Variants in KLF3 observed in about 807,000 individuals in gnomAD.
The protein encoded by KLF3 is Krueppel-like factor 3.
KLF3 carries 6 observed loss-of-function variants against 32.7 expected under a neutral mutation model. That is an observed-to-expected ratio of 0.18 (90% CI 0.10 to 0.36). The LOEUF (loss-of-function observed/expected upper bound fraction) is 0.36, where lower values mean the gene tolerates loss of function less well. Among genes scored for constraint, KLF3 ranks in the 10% least tolerant of loss-of-function variants. The probability of loss-of-function intolerance (pLI) is 1.00; values close to 1 mark genes in which losing one functional copy is unlikely to be tolerated. For synonymous variants in KLF3, 145 were observed against 172.8 expected (o/e 0.84, Z 1.26); for missense variants, 338 against 449.7 (o/e 0.75, Z 2.25).
At chr4:38,693,611 CACTT>C (rs1722950899) in intron 4 of KLF3, among the ~76,000 whole-genome samples, 1 of 151,944 alleles carries the variant, frequency 6.6e-6, no homozygotes, top group Admixed American at 6.6e-5. Context: ...TCTCCTCAAA[CACTT>C]AGGCAAAATA....
Position 38,697,066 on chromosome 4 carries a change from CT to C in KLF3, c.857-11del, listed in dbSNP as rs1326154844. 1.3e-6 allele frequency: 2 copies of C among 1,555,474 alleles called. No homozygotes were observed. The highest frequency in any genetic ancestry group is 4.5e-5 in the East Asian group (2 of 44,040). On this transcript the variant is annotated splice_polypyrimidine_tract_variant and intron_variant, in intron 5 of 5. Coordinates refer to ENST00000261438, the MANE Select transcript of KLF3 (RefSeq NM_016531.6). The stretch of plus-strand genomic sequence containing the variant: ...TACAGAAAAAAAAAATAGCTCTTTT[CT>C]TTTTCCTTTTGCAGGAGAAAAACCC...
rs962480108 is a variant in KLF3, at chr4:38,697,624, A to G, written c.*361A>G. On this transcript the variant is annotated 3_prime_UTR_variant, in exon 6 of 6. Transcript: ENST00000261438. ...CTCAAAAGAATGTCAGAGTAAATGT[A>G]TTAGAAATACAGTATCCAGACTGCT... The G allele has an allele frequency of 3.8e-5, 7 of 183,396 alleles. No homozygotes were observed. Among genetic ancestry groups the G allele is most frequent in the Admixed American group, 1.7e-4 (3 of 17,428 alleles). 11.4% of individuals were successfully genotyped at this position (183,396 alleles called of 1,614,324 possible).
At chr4:38,696,197 A>C (rs1485770988) in intron 5 of KLF3, among the ~76,000 whole-genome samples, 1 of 151,256 alleles carries the variant, frequency 6.6e-6, no homozygotes, top group East Asian at 1.9e-4. Context: ...AAAAAAAAAA[A>C]AAAAAAAAAA....
Position 38,697,517 on chromosome 4 carries a change from C to CCAGATG in KLF3, c.*255_*256insAGATGC. On this transcript the variant is annotated 3_prime_UTR_variant, in exon 6 of 6. Transcript: ENST00000261438. ...TTTTTTCTGGGGATGCTAAGCAAACCCTTCTTACAGATACGTTTAATGTAA... is the reference window on the plus strand; with the variant it reads ...TTTTTTCTGGGGATGCTAAGCAAACCCAGATGCTTCTTACAGATACGTTTAATGTAA... 2.6e-6 allele frequency: 1 copy of CCAGATG among 382,772 alleles called. No homozygotes were observed. Among genetic ancestry groups the CCAGATG allele is most frequent in the Non-Finnish European group, 4.7e-6 (1 of 213,714 alleles). The allele number at this position is 382,772 out of a possible 1,614,324, so 23.7% of individuals were successfully genotyped here.
rs751238714 is a variant in KLF3, at chr4:38,680,605, C to G, written c.-21C>G. ...TTTCTAGGCCAAACACCAGAGCACC[C>G]TAGAAGGTTTAACTAAAAGAATGCT... On this transcript the variant is annotated 5_prime_UTR_variant, in exon 2 of 6. Coordinates refer to ENST00000261438, the MANE Select transcript of KLF3 (RefSeq NM_016531.6). The G allele has an allele frequency of 1.2e-6, 2 of 1,603,270 alleles. No homozygotes were observed. Among genetic ancestry groups the G allele is most frequent in the East Asian group, 4.5e-5 (2 of 44,830 alleles).
chr4:38,694,620 TTTTG>T (rs1722995492), intron 4 of KLF3, 122 bp from the exon 5 acceptor site: 3 of 830,766 alleles, frequency 3.6e-6, no homozygotes, highest in African/African-American at 3.5e-5. Flanking sequence ...GCTAATTTCT[TTTTG>T]TTTATTTTGT....
At position 38,698,944 on chromosome 4, in the gene KLF3, A is replaced by G. The variant is rs1432099529; in HGVS notation, c.*1681A>G. 6.6e-6 allele frequency: 1 copy of G among 152,196 alleles called. No homozygotes were observed. The highest frequency in any genetic ancestry group is 6.5e-5 in the Admixed American group (1 of 15,280). 9.4% of individuals were successfully genotyped at this position (152,196 alleles called of 1,614,324 possible). On this transcript the variant is annotated 3_prime_UTR_variant, in exon 6 of 6. Coordinates refer to ENST00000261438, the MANE Select transcript of KLF3 (RefSeq NM_016531.6). ...ATCCAACACAACTTTAACTGGGAGGAATACATTGTTTGATCATTTTTAAAA... is the reference window on the plus strand; with the variant it reads ...ATCCAACACAACTTTAACTGGGAGGGATACATTGTTTGATCATTTTTAAAA...
intron 1 of KLF3, 25 bp from the exon 2 acceptor site, chr4:38,680,558 TTAGA>T: frequency 8.5e-7 from 1 of 1,174,846 alleles, no homozygotes; most frequent in Non-Finnish European, 1.3e-6. Flanking sequence ...ACCTTGAGAC[TTAGA>T]TGGATACCTT....
intron 1 of KLF3, among the ~76,000 whole-genome samples, chr4:38,673,343 G>A (rs1473934135): frequency 6.6e-6 from 1 of 152,192 alleles, no homozygotes; most frequent in Non-Finnish European, 1.5e-5. Flanking sequence ...TCCAGTGATA[G>A]GGAGGGCACT....
intron 1 of KLF3, among the ~76,000 whole-genome samples, chr4:38,667,885 A>T (rs1662258321): frequency 6.6e-6 from 1 of 152,318 alleles, no homozygotes; most frequent in Non-Finnish European, 1.5e-5. Context: ...ATCTTTAGAA[A>T]AATCATTGAA....
rs575300907 is a variant in KLF3, at chr4:38,686,454, AAAAAAAAAAG to A, written c.58-2126_58-2117del. ...GTGAGACCCTATCTCAAAAAAAAAA[AAAAAAAAAAG>A]AAAAGAAAATTCTTTTTCCCTCCTT... On this transcript the variant is annotated intron_variant, in intron 2 of 5. Coordinates refer to ENST00000261438, the MANE Select transcript of KLF3 (RefSeq NM_016531.6). Among the ~76,000 whole-genome samples the A allele has an allele frequency of 8.3e-3, 1,254 of 151,646 alleles. 7 individuals are homozygous for A. Among genetic ancestry groups the A allele is most frequent in the South Asian group, 0.025 (121 of 4,794 alleles).
chr4:38,678,607 T>C (rs1284382286), intron 1 of KLF3, among the ~76,000 whole-genome samples: 1 of 152,210 alleles, frequency 6.6e-6, no homozygotes, highest in Non-Finnish European at 1.5e-5. Flanking sequence ...CTTCAATGAA[T>C]CAACGAAGCA....
At chr4:38,673,033 C>T (rs933233185) in intron 1 of KLF3, among the ~76,000 whole-genome samples, 7 of 152,136 alleles carry the variant, frequency 4.6e-5, no homozygotes, top group Admixed American at 1.3e-4. Context: ...GTTCAAAATG[C>T]TTTTCTCTTT....
rs77979101 is a variant in KLF3, at chr4:38,697,568, A to T, written c.*305A>T. On this transcript the variant is annotated 3_prime_UTR_variant, in exon 6 of 6. Coordinates refer to ENST00000261438, the MANE Select transcript of KLF3 (RefSeq NM_016531.6). ...TAAGAACAAGGGAACATGTAAACTA[A>T]CATAACCAATTGTCAGTTCTCCATG... 1 of 268,896 alleles carries T rather than the reference A, an allele frequency of 3.7e-6. No individual in the cohort carries two copies. Among genetic ancestry groups the T allele is most frequent in the East Asian group, 6.6e-5 (1 of 15,164 alleles). The allele number at this position is 268,896 out of a possible 1,614,324, so 16.7% of individuals were successfully genotyped here.
Position 38,689,893 on chromosome 4 carries a change from G to C in KLF3, c.695+14G>C. 6.3e-7 allele frequency: 1 copy of C among 1,598,002 alleles called. No individual in the cohort carries two copies. Among genetic ancestry groups the C allele is most frequent in the Non-Finnish European group, 8.5e-7 (1 of 1,175,420 alleles). On this transcript the variant is annotated intron_variant, in intron 4 of 5. Transcript: ENST00000261438. ...ATTGTTGCAAGAGTAAGTATATTTA[G>C]GTCTACCCAGCATTTGCATAGTAGT...
chr4:38,697,341 A>G lies in KLF3; in HGVS notation c.*78A>G, dbSNP rs1016727272. 1 of 1,261,898 alleles carries G rather than the reference A, an allele frequency of 7.9e-7. No individual in the cohort carries two copies. Among genetic ancestry groups the G allele is most frequent in the African/African-American group, 1.5e-5 (1 of 66,526 alleles). 78.2% of individuals were successfully genotyped at this position (1,261,898 alleles called of 1,614,324 possible). A position where few individuals can be genotyped will look rare whatever the true frequency, so the allele number is the denominator to read the frequency against. Reference sequence around the variant, plus strand: ...TGTCCTGCCTCCCATTATCTAACACATTTTTTACATGTACATTTTAATTTG... The same window carrying G: ...TGTCCTGCCTCCCATTATCTAACACGTTTTTTACATGTACATTTTAATTTG... On this transcript the variant is annotated 3_prime_UTR_variant, in exon 6 of 6. Coordinates refer to ENST00000261438, the MANE Select transcript of KLF3 (RefSeq NM_016531.6).
rs1026334178 is a variant in KLF3, at chr4:38,678,206, G to T, written c.-39-2381G>T. ...CACAGGGTGACCAGCCGTGAGTCAG[G>T]GCTGCTAAATGATCTGACCTCATTG... On this transcript the variant is annotated intron_variant, in intron 1 of 5. Transcript: ENST00000261438. Among the ~76,000 whole-genome samples the T allele has an allele frequency of 9.2e-5, 14 of 152,122 alleles. 1 individual carries two copies. The highest frequency in any genetic ancestry group is 4.4e-5 in the Non-Finnish European group (3 of 68,018).
intron 1 of KLF3, among the ~76,000 whole-genome samples, chr4:38,678,519 A>G (rs1722418342): frequency 1.3e-5 from 2 of 152,200 alleles, no homozygotes; most frequent in South Asian, 4.1e-4. Context: ...ATGGAGGAAA[A>G]TATAATTTTG....
At chr4:38,683,396 C>T (rs1005280006) in intron 2 of KLF3, among the ~76,000 whole-genome samples, 11 of 152,026 alleles carry the variant, frequency 7.2e-5, no homozygotes, top group African/African-American at 2.4e-4. Context: ...AATATAAGCC[C>T]TCATACTGTT....
Sources: gnomAD v4.1 joint callset for allele counts (sites outside exome capture counted in the v4.1 genomes callset) on GRCh38, gnomAD v4.1.1 for gene constraint, MANE v1.5 for transcripts, NCBI Gene and HGNC (gene_info 2026-07-23, HGNC 2026-07-21) for gene names.